Variants in FGGY observed in about 807,000 individuals in gnomAD.
The protein encoded by FGGY is FGGY carbohydrate kinase domain-containing protein.
A neutral mutation model predicts 71.3 loss-of-function variants in FGGY; 72 were observed. The observed-to-expected ratio is 1.01, with a 90% CI of 0.84 to 1.23. The LOEUF is 1.23. Among genes scored for constraint, FGGY ranks in the 50% most tolerant of loss-of-function variants. The pLI is 0.00. For synonymous variants in FGGY, 251 were observed against 250.3 expected, an observed-to-expected ratio of 1.00 and a Z score of -0.02; for missense variants, 668 against 682.3, an observed-to-expected ratio of 0.98 and a Z score of 0.23.
intron 6 of FGGY, among the ~76,000 whole-genome samples, chr1:59,471,999 C>T (rs1013321996): frequency 3.3e-5 from 5 of 152,252 alleles, no homozygotes; most frequent in African/African-American, 9.6e-5. Flanking sequence ...TCGCTCTCCG[C>T]GCCTCCTCTG....
At chr1:59,698,609 G>GTC (rs1558835389) in intron 14 of FGGY, 1 of 213,478 alleles carries the variant, frequency 4.7e-6, no homozygotes, top group African/African-American at 2.4e-5. Flanking sequence ...GAAGTTGGGC[G>GTC]TCTCTCTTTG....
intron 5 of FGGY, among the ~76,000 whole-genome samples, chr1:59,407,835 A>G (rs898912565): frequency 6.6e-6 from 1 of 152,194 alleles, no homozygotes; most frequent in Non-Finnish European, 1.5e-5. Flanking sequence ...GCTGGAAGAC[A>G]TTTTTGAAGA....
intron 14 of FGGY, among the ~76,000 whole-genome samples, chr1:59,721,272 G>T (rs2097889920): frequency 6.7e-6 from 1 of 149,804 alleles, no homozygotes; most frequent in African/African-American, 2.5e-5. Flanking sequence ...TTTATTTTTA[G>T]AAGAGTTTTA....
chr1:59,493,130 C>A (rs374983713), intron 6 of FGGY, among the ~76,000 whole-genome samples: 2 of 150,276 alleles, frequency 1.3e-5, no homozygotes, highest in Non-Finnish European at 3.0e-5. Flanking sequence ...CACACACACA[C>A]AAAACAGAAA....
chr1:59,411,328 C>G (rs1267068642), intron 5 of FGGY, among the ~76,000 whole-genome samples: 1 of 152,254 alleles, frequency 6.6e-6, no homozygotes, highest in African/African-American at 2.4e-5. Context: ...CACAGTGCAT[C>G]ACAGCAGGAG....
intron 6 of FGGY, among the ~76,000 whole-genome samples, chr1:59,509,855 T>G (rs1162261356): frequency 6.6e-6 from 1 of 152,094 alleles, no homozygotes; most frequent in Non-Finnish European, 1.5e-5. Flanking sequence ...CTTGGAAGAG[T>G]GCCCCACCCT....
rs2095717411 is a variant in FGGY, at chr1:59,557,956, G to A, written c.903+3729G>A. Among the ~76,000 whole-genome samples the A allele has an allele frequency of 2.6e-5, 4 of 152,156 alleles. 1 individual carries two copies. In the South Asian group the frequency reaches 8.3e-4, roughly 32 times the overall value. On this transcript the variant is annotated intron_variant, in intron 8 of 15. Coordinates refer to ENST00000303721, the MANE Select transcript of FGGY (RefSeq NM_018291.5). ...TCTGCATCTTAAATCGCTCAGAACT[G>A]AAGTTTTTTCAGTCTTAATATTGAG...
rs570621134 is a variant in FGGY, at chr1:59,578,458, A to G, written c.903+24231A>G. On this transcript the variant is annotated intron_variant, in intron 8 of 15. Transcript: ENST00000303721. Reference sequence around the variant, plus strand: ...CCAGCTGTCCAGCAGGAAAAAGTAGAAGGAGGAGAGAGAGAAGCCAGCAAG... The same window carrying G: ...CCAGCTGTCCAGCAGGAAAAAGTAGGAGGAGGAGAGAGAGAAGCCAGCAAG... Among the ~76,000 whole-genome samples, 8 of 152,212 alleles carry G rather than the reference A, an allele frequency of 5.3e-5. No homozygotes were observed. The South Asian group carries it at 1.7e-3, about 32-fold the overall frequency.
chr1:59,446,723 A>AT (rs1175946820), intron 5 of FGGY, among the ~76,000 whole-genome samples: 1 of 152,152 alleles, frequency 6.6e-6, no homozygotes, highest in Admixed American at 6.6e-5. Flanking sequence ...TATCTTGGTA[A>AT]TTTATCCCCA....
chr1:59,614,036 C>T (rs759011361), intron 9 of FGGY, among the ~76,000 whole-genome samples: 5 of 152,104 alleles, frequency 3.3e-5, no homozygotes, highest in Admixed American at 6.5e-5. Flanking sequence ...AGTACAGGAC[C>T]AGACGGATTC....
chr1:59,732,007 G>C (rs1359572553), intron 14 of FGGY, among the ~76,000 whole-genome samples: 2 of 152,110 alleles, frequency 1.3e-5, no homozygotes, highest in Non-Finnish European at 2.9e-5. Context: ...GCCTCACCGA[G>C]CCTCAGTTTC....
chr1:59,663,490 G>T (rs1308441647), intron 12 of FGGY, among the ~76,000 whole-genome samples: 1 of 152,134 alleles, frequency 6.6e-6, no homozygotes, highest in African/African-American at 2.4e-5. Context: ...TATAAATGAG[G>T]TTAAACTTAA....
intron 8 of FGGY, among the ~76,000 whole-genome samples, chr1:59,581,617 T>G (rs1026200615): frequency 6.7e-6 from 1 of 150,186 alleles, no homozygotes; most frequent in African/African-American, 2.5e-5. Flanking sequence ...ATGGAAAGAC[T>G]ATATTGAGCT....
At chr1:59,320,102 C>G (rs2046129743) in intron 1 of FGGY, among the ~76,000 whole-genome samples, 1 of 152,172 alleles carries the variant, frequency 6.6e-6, no homozygotes, top group Non-Finnish European at 1.5e-5. Flanking sequence ...TCTGATGAAG[C>G]TCCTATGAAC....
At chr1:59,622,107 A>G (rs2096815364) in intron 9 of FGGY, among the ~76,000 whole-genome samples, 1 of 151,968 alleles carries the variant, frequency 6.6e-6, no homozygotes, top group South Asian at 2.1e-4. Flanking sequence ...TCTTAGGCCC[A>G]TCTACTATAT....
intron 8 of FGGY, among the ~76,000 whole-genome samples, chr1:59,590,602 G>C (rs1351832357): frequency 1.3e-5 from 2 of 152,150 alleles, no homozygotes; most frequent in African/African-American, 2.4e-5. Flanking sequence ...GATCAAGTGG[G>C]CTTCATCCCT....
At chr1:59,307,112 C>A (rs548377156) in intron 1 of FGGY, among the ~76,000 whole-genome samples, 5 of 152,070 alleles carry the variant, frequency 3.3e-5, no homozygotes, top group African/African-American at 1.2e-4. Context: ...CCCAGGAATT[C>A]GAGACCAGCC....
At chr1:59,641,195 C>T in intron 11 of FGGY, 1 of 1,053,384 alleles carries the variant, frequency 9.5e-7, no homozygotes, top group South Asian at 1.4e-5. Flanking sequence ...ATTTTGGCTC[C>T]TTGTATCATT....
At chr1:59,394,046 T>C (rs2061021854) in intron 5 of FGGY, among the ~76,000 whole-genome samples, 1 of 152,222 alleles carries the variant, frequency 6.6e-6, no homozygotes, top group Non-Finnish European at 1.5e-5. Context: ...TAGTGTCTCT[T>C]ACAAAGGAAA....
Sources: gnomAD v4.1 joint callset for allele counts (sites outside exome capture counted in the v4.1 genomes callset) on GRCh38, gnomAD v4.1.1 for gene constraint, MANE v1.5 for transcripts, NCBI Gene and HGNC (gene_info 2026-07-23, HGNC 2026-07-21) for gene names.